Variants in ZWILCH observed in about 807,000 individuals in gnomAD.
The protein encoded by ZWILCH is protein zwilch homolog.
A neutral mutation model predicts 79.9 loss-of-function variants in ZWILCH; 74 were observed. The ratio of observed to expected loss-of-function variants is 0.93; its 90% confidence interval spans 0.77 to 1.12. The LOEUF (loss-of-function observed/expected upper bound fraction) is 1.12. ZWILCH is among the 50% of genes most tolerant of loss of function. The probability of loss-of-function intolerance (pLI) is 0.00; values close to 1 mark genes in which losing one functional copy is unlikely to be tolerated. For synonymous variants in ZWILCH, 241 were observed against 228.2 expected (o/e 1.06, Z -0.51); for missense variants, 694 against 687.5 (o/e 1.01, Z -0.11).
At chr15:66,518,150 C>G (rs970525357) in intron 4 of ZWILCH, among the ~76,000 whole-genome samples, 1 of 152,096 alleles carries the variant, frequency 6.6e-6, no homozygotes, top group Non-Finnish European at 1.5e-5. Context: ...CATAGTAGCT[C>G]CAATCCTGTC....
chr15:66,533,713 T>TAC lies in ZWILCH; in HGVS notation c.1341+713_1341+714dup, dbSNP rs10545359. Reference sequence around the variant, plus strand: ...AGTGGACACATGTTCTAGCAAAAACTACACACACACACACGCGCACACACA... The same window carrying TAC: ...AGTGGACACATGTTCTAGCAAAAACTACACACACACACACACGCGCACACACA... On this transcript the variant is annotated intron_variant, in intron 14 of 18. Coordinates refer to ENST00000307897, the MANE Select transcript of ZWILCH (RefSeq NM_017975.5). 1.1e-3 allele frequency among the ~76,000 whole-genome samples: 163 copies of TAC among 151,442 alleles called. 1 individual carries two copies. Among genetic ancestry groups the TAC allele is most frequent in the East Asian group, 5.0e-3 (26 of 5,152 alleles).
intron 8 of ZWILCH, among the ~76,000 whole-genome samples, chr15:66,526,608 C>T (rs915934897): frequency 3.3e-5 from 5 of 151,818 alleles, no homozygotes; most frequent in Non-Finnish European, 5.9e-5. Context: ...TAAAGGCACC[C>T]GCCACCATGC....
chr15:66,527,201 C>T, intron 8 of ZWILCH, 89 bp from the exon 9 acceptor site: 2 of 917,728 alleles, frequency 2.2e-6, no homozygotes, highest in Non-Finnish European at 1.7e-6. Flanking sequence ...AGAAATGTTA[C>T]TGCAATTAAT....
In ZWILCH at chr15:66,549,811, T is replaced by G. The variant is rs1895529908; in HGVS notation, c.*1487T>G. ...ATTTATAGGTATGATTCTGAAAGAA[T>G]AAAACTTGAATGGATAAAATGGATA... On this transcript the variant is annotated 3_prime_UTR_variant, in exon 19 of 19. Coordinates refer to ENST00000307897, the MANE Select transcript of ZWILCH (RefSeq NM_017975.5). 1 of 364,848 alleles carries G rather than the reference T, an allele frequency of 2.7e-6. No individual in the cohort carries two copies. Among genetic ancestry groups the G allele is most frequent in the Non-Finnish European group, 4.9e-6 (1 of 203,770 alleles). The allele number at this position is 364,848 out of a possible 1,614,324, so 22.6% of individuals were successfully genotyped here.
chr15:66,530,063 A>G (rs892692191), intron 12 of ZWILCH, among the ~76,000 whole-genome samples: 3 of 152,212 alleles, frequency 2.0e-5, no homozygotes, highest in Non-Finnish European at 4.4e-5. Flanking sequence ...TATGTATCAG[A>G]ATAGTCATCT....
rs943083947 is a variant in ZWILCH, at chr15:66,537,250, A to G, written c.1561A>G (p.Asn521Asp). The change falls in exon 16 of 19, where the codon AAC (asparagine) becomes GAC (aspartate). Residue 521 changes from asparagine (N) to aspartate (D), a missense_variant. Physicochemically the swap from Asn to Asp is conservative, Grantham distance 23. Transcript: ENST00000307897. The stretch of plus-strand genomic sequence containing the variant: ...GCCAGTCAGACCAACTGCTGTAAAG[A>G]ACTTATATCAAAGGTAAGCAATTTT... ...QLPVRPTAVK[N>D]LYQSEKPQKW... is the part of the protein sequence containing the mutation. 9 of 1,612,558 alleles carry G rather than the reference A, an allele frequency of 5.6e-6. No homozygotes were observed. Among genetic ancestry groups the G allele is most frequent in the East Asian group, 2.2e-5 (1 of 44,876 alleles).
Position 66,544,139 on chromosome 15 carries a change from C to A in ZWILCH, c.1688-2452C>A, listed in dbSNP as rs1895278471. Among the ~76,000 whole-genome samples, 3 of 151,560 alleles carry A rather than the reference C, an allele frequency of 2.0e-5. No homozygotes were observed. The South Asian group carries it at 6.3e-4, about 32-fold the overall frequency. ...GGGCATGGTGGCGCATGCCTGTAAT[C>A]CCAGCTACTCAGGAGGCTGAGGCAG... On this transcript the variant is annotated intron_variant, in intron 17 of 18. Transcript: ENST00000307897.
intron 3 of ZWILCH, among the ~76,000 whole-genome samples, chr15:66,515,192 C>T (rs1258123858): frequency 6.6e-6 from 1 of 151,836 alleles, no homozygotes; most frequent in Admixed American, 6.6e-5. Context: ...TTAAGTGATT[C>T]TCCTCCTCAG....
At chr15:66,542,448 G>A in intron 17 of ZWILCH, among the ~76,000 whole-genome samples, 1 of 152,120 alleles carries the variant, frequency 6.6e-6, no homozygotes, top group East Asian at 1.9e-4. Context: ...AGCCAGGTGT[G>A]GTGGCATGTG....
intron 16 of ZWILCH, among the ~76,000 whole-genome samples, chr15:66,537,945 G>A (rs1010980911): frequency 6.6e-6 from 1 of 152,132 alleles, no homozygotes; most frequent in Non-Finnish European, 1.5e-5. Flanking sequence ...CTTCAGAGAA[G>A]AGTGGAAAGT....
At chr15:66,521,926 G>A (rs939466497) in intron 7 of ZWILCH, among the ~76,000 whole-genome samples, 2 of 152,108 alleles carry the variant, frequency 1.3e-5, no homozygotes, top group Non-Finnish European at 2.9e-5. Context: ...TTGGCTGGGC[G>A]CAGTGGCTCA....
intron 14 of ZWILCH, among the ~76,000 whole-genome samples, chr15:66,535,563 C>A (rs2140796115): frequency 6.6e-6 from 1 of 151,880 alleles, no homozygotes; most frequent in South Asian, 2.1e-4. Context: ...GTAATCCCAG[C>A]TACTCAGGAG....
chr15:66,519,252 A>G (rs1189111787), intron 5 of ZWILCH, 174 bp downstream of exon 5: 2 of 607,178 alleles, frequency 3.3e-6, no homozygotes, highest in African/African-American at 1.9e-5. Flanking sequence ...GAGGTATTCC[A>G]GAAACACCAG....
intron 7 of ZWILCH, 122 bp from the exon 8 acceptor site, chr15:66,523,555 A>G (rs1894576722): frequency 3.1e-6 from 2 of 639,940 alleles, no homozygotes; most frequent in South Asian, 5.0e-5. Context: ...TTTTCAATTC[A>G]TTGGTCCTTT....
intron 17 of ZWILCH, among the ~76,000 whole-genome samples, chr15:66,543,698 A>G (rs905143790): frequency 2.0e-5 from 3 of 152,022 alleles, no homozygotes; most frequent in Non-Finnish European, 4.4e-5. Flanking sequence ...TTGAGGCTGC[A>G]GTGAGCTGAG....
chr15:66,544,724 T>TTG lies in ZWILCH; in HGVS notation c.1688-1833_1688-1832dup, dbSNP rs1555426547. On this transcript the variant is annotated intron_variant, in intron 17 of 18. Coordinates refer to ENST00000307897, the MANE Select transcript of ZWILCH (RefSeq NM_017975.5). Reference sequence around the variant, plus strand: ...TGTTTTTTTGTTGTTTTTTTGGTTTTTGTGTGTGTGTGTGTGTGTGTGTGT... The same window carrying TTG: ...TGTTTTTTTGTTGTTTTTTTGGTTTTTGTGTGTGTGTGTGTGTGTGTGTGTGT... Among the ~76,000 whole-genome samples, 967 of 128,538 alleles carry TTG rather than the reference T, an allele frequency of 7.5e-3. 7 individuals are homozygous for TTG. Among genetic ancestry groups the TTG allele is most frequent in the Admixed American group, 0.01 (119 of 11,852 alleles). The allele number at this position is 128,538 out of a possible 152,430, so 84.3% of individuals were successfully genotyped here.
At chr15:66,520,984 T>G in intron 6 of ZWILCH, 66 bp from the exon 7 acceptor site, 1 of 1,534,542 alleles carries the variant, frequency 6.5e-7, no homozygotes, top group Non-Finnish European at 8.8e-7. Context: ...TCAAAATAAT[T>G]TGGGTAATGG....
Position 66,536,177 on chromosome 15 carries a change from C to A in ZWILCH, c.1478+108C>A. The A allele has an allele frequency of 4.1e-6, 4 of 974,764 alleles. No individual in the cohort carries two copies. In the South Asian group the frequency reaches 5.8e-5, roughly 14 times the overall value. 60.4% of individuals were successfully genotyped at this position (974,764 alleles called of 1,614,324 possible). A position where few individuals can be genotyped will look rare whatever the true frequency, so the allele number is the denominator to read the frequency against. Reference sequence around the variant, plus strand: ...ACCAGTTAGGATAGAACCTCTTCATCCTGTCTTTACAGTAGCATGCATGAG... The same window carrying A: ...ACCAGTTAGGATAGAACCTCTTCATACTGTCTTTACAGTAGCATGCATGAG... On this transcript the variant is annotated intron_variant, in intron 15 of 18. Transcript: ENST00000307897.
intron 2 of ZWILCH, among the ~76,000 whole-genome samples, chr15:66,511,180 A>G (rs1231761497): frequency 2.6e-5 from 4 of 152,190 alleles, no homozygotes; most frequent in African/African-American, 9.7e-5. Flanking sequence ...ATTAATAAGC[A>G]TATTAGAAAC....
Sources: gnomAD v4.1 joint callset for allele counts (sites outside exome capture counted in the v4.1 genomes callset) on GRCh38, gnomAD v4.1.1 for gene constraint, MANE v1.5 for transcripts, NCBI Gene and HGNC (gene_info 2026-07-23, HGNC 2026-07-21) for gene names.